DOCK10: variants seen among roughly 807,000 people sequenced by gnomAD.
DOCK10 encodes dedicator of cytokinesis protein 10.
A neutral mutation model predicts 280.1 loss-of-function variants in DOCK10; 145 were observed. That is an observed-to-expected ratio of 0.52 (90% CI 0.45 to 0.59). The LOEUF is 0.59. Ranked by LOEUF, DOCK10 falls within the 20% of genes least tolerant of loss-of-function variation. The pLI, the probability that DOCK10 is intolerant of heterozygous loss-of-function variation, is 0.00. For missense variants in DOCK10, 2,368 were observed against 2,651.7 expected (o/e 0.89, Z 2.35); for synonymous variants, 915 against 942.2 (o/e 0.97, Z 0.53).
chr2:224,830,920 TTTTA>T (rs61701805), intron 26 of DOCK10, among the ~76,000 whole-genome samples: 113 of 148,614 alleles, frequency 7.6e-4, no homozygotes, highest in African/African-American at 2.2e-3. Context: ...CTAAACAAAC[TTTTA>T]TTTATTTATT....
At chr2:225,018,538 T>G (rs1336307913) in intron 1 of DOCK10, among the ~76,000 whole-genome samples, 22 of 9,562 alleles carry the variant, frequency 2.3e-3, no homozygotes, top group South Asian at 0.012. Flanking sequence ...ATATATGTAA[T>G]ATTATATATA....
In DOCK10 at chr2:224,865,027, C is replaced by T. The variant is rs767029372; in HGVS notation, c.1318G>A (p.Ala440Thr). The T allele has an allele frequency of 1.9e-6, 3 of 1,613,824 alleles. No individual in the cohort carries two copies. Among genetic ancestry groups the T allele is most frequent in the Non-Finnish European group, 2.5e-6 (3 of 1,179,892 alleles). ...TGGTTTAGATCCACATGAAAATCAG[C>T]AGAAATCTTCCTGCTGTCTCTGAGG... is the stretch of plus-strand genomic sequence containing the variant. ...YDLRDSRKIS[A>T]DFHVDLNHAA... The change falls in exon 12 of 56, where the codon GCT becomes ACT. Residue 440 changes from alanine to threonine, a missense_variant. This residue lies in a region of DOCK10 where 1,209 missense variants were observed against 1,250.9 expected (regional missense o/e 0.97). Transcript: ENST00000258390.
At chr2:224,860,298 T>C (rs1697416635) in intron 14 of DOCK10, among the ~76,000 whole-genome samples, 2 of 152,214 alleles carry the variant, frequency 1.3e-5, no homozygotes, top group Admixed American at 6.5e-5. Flanking sequence ...TCCTTTATAT[T>C]GTTCTTCACT....
At chr2:224,773,872 C>T (rs1201845330) in intron 52 of DOCK10, among the ~76,000 whole-genome samples, 5 of 152,020 alleles carry the variant, frequency 3.3e-5, no homozygotes, top group South Asian at 2.1e-4. Flanking sequence ...CCTCATGATC[C>T]GCCCGCCTCT....
intron 1 of DOCK10, among the ~76,000 whole-genome samples, chr2:224,961,062 T>C (rs971477673): frequency 1.2e-4 from 18 of 152,188 alleles, no homozygotes; most frequent in African/African-American, 3.4e-4. Flanking sequence ...CTAATGATTG[T>C]ATATTTTCTT....
intron 28 of DOCK10, among the ~76,000 whole-genome samples, chr2:224,819,750 A>G (rs1314719845): frequency 6.6e-6 from 1 of 152,242 alleles, no homozygotes; most frequent in African/African-American, 2.4e-5. Flanking sequence ...ACAGGGCAAT[A>G]TACTAACAGA....
At chr2:224,976,298 C>A (rs1341963322) in intron 1 of DOCK10, among the ~76,000 whole-genome samples, 2 of 152,074 alleles carry the variant, frequency 1.3e-5, no homozygotes, top group Non-Finnish European at 2.9e-5. Flanking sequence ...GGGCTTAAAA[C>A]CTAGATGATG....
intron 1 of DOCK10, among the ~76,000 whole-genome samples, chr2:224,956,650 A>AT: frequency 7.1e-6 from 1 of 141,576 alleles, no homozygotes; most frequent in Admixed American, 7.0e-5. Context: ...AAAAAAAAAA[A>AT]GAGCATCGAA....
chr2:224,807,619 A>G, intron 33 of DOCK10, 49 bp downstream of exon 33: 1 of 1,310,096 alleles, frequency 7.6e-7, no homozygotes, highest in Non-Finnish European at 1.1e-6. Flanking sequence ...AATTAAAAAA[A>G]GACAAATTCT....
At chr2:224,871,732 C>A (rs528733798) in intron 11 of DOCK10, among the ~76,000 whole-genome samples, 1 of 152,258 alleles carries the variant, frequency 6.6e-6, no homozygotes, top group South Asian at 2.1e-4. Flanking sequence ...GCCTTTTTAT[C>A]CTTCCCAACC....
rs969556389 is a variant in DOCK10, at chr2:224,770,555, C to T, written c.6295G>A (p.Glu2099Lys). Residue 2099 changes from glutamate (E) to lysine (K), a missense_variant, in exon 54 of 56, where the codon GAG becomes AAG. This residue lies in a region of DOCK10 where 1,159 missense variants were observed against 1,400.8 expected (regional missense o/e 0.83). Transcript: ENST00000258390. This position sits in a 1 kb window ranked among gnomAD's most constrained non-coding sequence, Gnocchi z 4.5. The part of the protein sequence containing the change: ...YPDNQVKLLK[E>K]IFRQFADACG... ...CAGCGAGAAGCTTACCTGAAGATCT[C>T]CTTCAAAAGCTTTACTTGGTTGTCA... The T allele has an allele frequency of 2.5e-6, 4 of 1,613,336 alleles. No homozygotes were observed. The African/African-American group carries it at 5.3e-5, about 22-fold the overall frequency.
intron 1 of DOCK10, among the ~76,000 whole-genome samples, chr2:224,948,601 A>C (rs1490390823): frequency 6.6e-6 from 1 of 152,190 alleles, no homozygotes; most frequent in African/African-American, 2.4e-5. Flanking sequence ...CTGGGGTTAG[A>C]TTATGTGTAT....
chr2:224,832,906 C>T (rs939624695), intron 26 of DOCK10, among the ~76,000 whole-genome samples: 2 of 152,150 alleles, frequency 1.3e-5, no homozygotes, highest in African/African-American at 4.8e-5. Flanking sequence ...CTGCCCTCTC[C>T]ACATATTCCC....
chr2:224,837,867 G>C, intron 24 of DOCK10, 36 bp from the exon 25 acceptor site: 1 of 1,575,018 alleles, frequency 6.3e-7, no homozygotes, highest in South Asian at 1.1e-5. Context: ...CCTTTCTGGA[G>C]AGGGCAGAAA....
rs935557740 is a variant in DOCK10 at position 224,862,651 on chromosome 2, A to G, written c.1685+13T>C. 2 of 1,607,118 alleles carry G rather than the reference A, an allele frequency of 1.2e-6. No individual in the cohort carries two copies. Among genetic ancestry groups the G allele is most frequent in the Non-Finnish European group, 1.7e-6 (2 of 1,173,962 alleles). ...ATGTATTTCTAGTCTGTTGGCTGCA[A>G]CTGTCAACATACCTTACTGCCCAAG... On this transcript the variant is annotated intron_variant, in intron 14 of 55. Coordinates refer to ENST00000258390, the MANE Select transcript of DOCK10 (RefSeq NM_014689.3).
chr2:224,784,264 A>G (rs1691577449), intron 50 of DOCK10, among the ~76,000 whole-genome samples: 1 of 152,152 alleles, frequency 6.6e-6, no homozygotes, highest in Admixed American at 6.5e-5. Flanking sequence ...ACTCCTTCAG[A>G]AAAAACACAG....
intron 51 of DOCK10, 61 bp downstream of exon 51, chr2:224,778,077 G>C: frequency 6.6e-7 from 1 of 1,511,820 alleles, no homozygotes; most frequent in Non-Finnish European, 9.1e-7. Context: ...ACTTAATGTA[G>C]TTAAAGAATA....
At position 224,994,369 on chromosome 2, in the gene DOCK10, G is replaced by A. The variant is rs115488156; in HGVS notation, c.123+47883C>T. The stretch of plus-strand genomic sequence containing the variant: ...CTCAGAAGACTGCTGTGAGAATTAA[G>A]TGAGATAATATGTATAAAAGGTTTA... On this transcript the variant is annotated intron_variant, in intron 1 of 55. Transcript: ENST00000258390. Among the ~76,000 whole-genome samples, 896 of 152,294 alleles carry A rather than the reference G, an allele frequency of 5.9e-3. 8 individuals carry two copies. Among genetic ancestry groups the A allele is most frequent in the African/African-American group, 0.02 (850 of 41,550 alleles).
At chr2:224,942,037 C>T (rs956046705) in intron 1 of DOCK10, among the ~76,000 whole-genome samples, 2 of 152,186 alleles carry the variant, frequency 1.3e-5, no homozygotes, top group African/African-American at 2.4e-5. Flanking sequence ...GGGATCATGA[C>T]CCTCCTTCCT....
Sources: gnomAD v4.1 joint callset for allele counts (sites outside exome capture counted in the v4.1 genomes callset) on GRCh38, gnomAD v4.1.1 for gene constraint, gnomAD v4.1.1 regional missense constraint, Gnocchi (gnomAD v3.1) non-coding constraint, MANE v1.5 for transcripts, NCBI Gene and HGNC (gene_info 2026-07-23, HGNC 2026-07-21) for gene names.